WWC1: variants seen among roughly 807,000 people sequenced by gnomAD.
The protein encoded by WWC1 is WW and C2 domain containing 1, also known as protein KIBRA.
In WWC1, 55 loss-of-function variants were observed where a neutral mutation model predicts 138.4. The observed-to-expected ratio is 0.40, with a 90% CI of 0.32 to 0.50. The LOEUF (loss-of-function observed/expected upper bound fraction) is 0.50. Among genes scored for constraint, WWC1 ranks in the 20% least tolerant of loss-of-function variants. WWC1 has a pLI of 0.72. For missense variants in WWC1, 1,226 were observed against 1,420.4 expected (o/e 0.86, Z 2.20); for synonymous variants, 524 against 564.9 (o/e 0.93, Z 1.03).
At chr5:168,424,407 T>C (rs1781355611) in intron 11 of WWC1, among the ~76,000 whole-genome samples, 1 of 152,204 alleles carries the variant, frequency 6.6e-6, no homozygotes, top group Admixed American at 6.5e-5. Context: ...TCACTAAGGA[T>C]TCTGTGTTGA....
At chr5:168,429,825 C>T (rs1582269281) in intron 13 of WWC1, among the ~76,000 whole-genome samples, 1 of 152,068 alleles carries the variant, frequency 6.6e-6, no homozygotes, top group African/African-American at 2.4e-5. Flanking sequence ...GTCCTAGCTA[C>T]TTGAGAGGCT....
chr5:168,298,078 A>G (rs967588076), intron 1 of WWC1, among the ~76,000 whole-genome samples: 15 of 152,066 alleles, frequency 9.9e-5, no homozygotes, highest in Non-Finnish European at 1.8e-4. Flanking sequence ...TTGCTCAGTC[A>G]CCCAGGTTGG....
intron 1 of WWC1, among the ~76,000 whole-genome samples, chr5:168,327,563 C>T (rs922331783): frequency 2.6e-5 from 4 of 152,214 alleles, no homozygotes; most frequent in African/African-American, 9.6e-5. Context: ...AATTTAGAAC[C>T]AGCACCGGGG....
At chr5:168,329,438 T>TC (rs1376955937) in intron 1 of WWC1, among the ~76,000 whole-genome samples, 1 of 152,192 alleles carries the variant, frequency 6.6e-6, no homozygotes, top group Admixed American at 6.5e-5. Context: ...AGACCACACT[T>TC]CCTTTTGGTA....
intron 1 of WWC1, among the ~76,000 whole-genome samples, chr5:168,305,133 T>A (rs1581865909): frequency 1.3e-5 from 2 of 150,904 alleles, no homozygotes; most frequent in East Asian, 3.9e-4. Context: ...CCAGTATTTT[T>A]TTTTTTTTTT....
At chr5:168,395,115 G>C (rs780702640) in intron 3 of WWC1, among the ~76,000 whole-genome samples, 12 of 152,194 alleles carry the variant, frequency 7.9e-5, no homozygotes, top group Non-Finnish European at 1.3e-4. Context: ...CCTCAAGTCA[G>C]CCCTGGCGTG....
chr5:168,459,906 C>T (rs976120663), intron 19 of WWC1, among the ~76,000 whole-genome samples: 5 of 152,116 alleles, frequency 3.3e-5, no homozygotes, highest in Admixed American at 3.3e-4. Flanking sequence ...TGCTGTCATC[C>T]TACCCACTCT....
chr5:168,358,814 A>C (rs968805563), intron 1 of WWC1, among the ~76,000 whole-genome samples: 1 of 152,074 alleles, frequency 6.6e-6, no homozygotes, highest in Non-Finnish European at 1.5e-5. Flanking sequence ...ACATACATAC[A>C]TGTATACGTA....
chr5:168,344,550 A>G (rs1774314750), intron 1 of WWC1, among the ~76,000 whole-genome samples: 1 of 152,246 alleles, frequency 6.6e-6, no homozygotes, highest in Non-Finnish European at 1.5e-5. Context: ...GTGGGATAAT[A>G]GTACACAGTT....
At chr5:168,466,235 T>C (rs1757284702) in intron 21 of WWC1, among the ~76,000 whole-genome samples, 2 of 152,162 alleles carry the variant, frequency 1.3e-5, no homozygotes, top group Non-Finnish European at 2.9e-5. Flanking sequence ...CAGCAGGCTT[T>C]TAAGCCAACA....
intron 1 of WWC1, among the ~76,000 whole-genome samples, chr5:168,335,180 C>A (rs2152770577): frequency 6.6e-6 from 1 of 152,338 alleles, no homozygotes; most frequent in South Asian, 2.1e-4. Context: ...CTACTTTTTG[C>A]TGGTGCAGGT....
intron 17 of WWC1, among the ~76,000 whole-genome samples, chr5:168,453,547 TC>T (rs199629339): frequency 3.3e-4 from 50 of 149,860 alleles, no homozygotes; most frequent in African/African-American, 9.1e-4. Flanking sequence ...TCATTAACAA[TC>T]TTTTTTTTTG....
chr5:168,447,314 A>G (rs1311170114), intron 17 of WWC1, among the ~76,000 whole-genome samples: 1 of 152,176 alleles, frequency 6.6e-6, no homozygotes, highest in Non-Finnish European at 1.5e-5. Context: ...CTGTTACTCC[A>G]CAGGTCAGCA....
At chr5:168,293,401 C>G (rs757979498) in intron 1 of WWC1, among the ~76,000 whole-genome samples, 2 of 151,758 alleles carry the variant, frequency 1.3e-5, no homozygotes, top group African/African-American at 2.4e-5. Flanking sequence ...GTGGAGGTGT[C>G]CCAGAAGTGT....
chr5:168,403,201 G>A (rs1418117491), intron 5 of WWC1, among the ~76,000 whole-genome samples: 5 of 151,830 alleles, frequency 3.3e-5, no homozygotes, highest in Non-Finnish European at 5.9e-5. Flanking sequence ...AGGTCCAAGC[G>A]ATTCTCCTGC....
chr5:168,326,459 C>T (rs1281047524), intron 1 of WWC1, among the ~76,000 whole-genome samples: 3 of 152,116 alleles, frequency 2.0e-5, no homozygotes, highest in East Asian at 1.9e-4. Context: ...TCAGGTGATC[C>T]GCCCGCCTCA....
At chr5:168,337,535 T>C (rs566352098) in intron 1 of WWC1, among the ~76,000 whole-genome samples, 17 of 152,292 alleles carry the variant, frequency 1.1e-4, no homozygotes, top group Non-Finnish European at 2.4e-4. Context: ...GCCCAAAATG[T>C]CAACAGGTCT....
At chr5:168,337,966 A>G (rs770643557) in intron 1 of WWC1, among the ~76,000 whole-genome samples, 1 of 152,186 alleles carries the variant, frequency 6.6e-6, no homozygotes, top group Non-Finnish European at 1.5e-5. Context: ...AGAAGACGCC[A>G]GGACCTGGAG....
Position 168,414,578 on chromosome 5 carries a change from C to T in WWC1, c.1172C>T (p.Ala391Val), listed in dbSNP as rs752610377. 3 of 1,551,990 alleles carry T rather than the reference C, an allele frequency of 1.9e-6. No homozygotes were observed. The highest frequency in any genetic ancestry group is 2.6e-6 in the Non-Finnish European group (3 of 1,148,026). Residue 391 changes from alanine (A) to valine (V), a missense_variant, in exon 9 of 23, where the codon GCG (alanine) becomes GTG (valine). By Grantham distance (64) the Ala-to-Val change is moderately conservative. Around this residue, in one of 3 missense-constraint regions of WWC1, gnomAD observed 1,016 missense variants for 1,153.9 expected, o/e 0.88. Coordinates refer to ENST00000265293, the MANE Select transcript of WWC1 (RefSeq NM_015238.3). ...LQAARDTQSK[A>V]LTERLKLNSK... ...GCAGCCCGGGACACCCAGAGCAAGGCGCTGACGGAGAGGTGGGGCTGGGGC... is the reference window on the plus strand; with the variant it reads ...GCAGCCCGGGACACCCAGAGCAAGGTGCTGACGGAGAGGTGGGGCTGGGGC...
Sources: allele counts gnomAD v4.1 joint callset (sites outside exome capture counted in the v4.1 genomes callset), GRCh38; gene constraint gnomAD v4.1.1; regional missense constraint gnomAD v4.1.1; transcripts MANE v1.5; gene names NCBI Gene and HGNC (gene_info 2026-07-23, HGNC 2026-07-21).